CACNA1B: variants seen among roughly 807,000 people sequenced by gnomAD.
CACNA1B encodes calcium voltage-gated channel subunit alpha1 B, also known as voltage-dependent N-type calcium channel subunit alpha-1B.
Under a neutral mutation model 247.2 loss-of-function variants are expected in CACNA1B, and 70 were observed. That is an observed-to-expected ratio of 0.28 (90% CI 0.23 to 0.35). The LOEUF (loss-of-function observed/expected upper bound fraction) is 0.35, where lower values mean the gene tolerates loss of function less well. Ranked by LOEUF, CACNA1B falls within the 10% of genes least tolerant of loss-of-function variation. CACNA1B has a pLI of 1.00. For synonymous variants in CACNA1B, 1,231 were observed against 1,294.4 expected, an observed-to-expected ratio of 0.95 and a Z score of 1.05; for missense variants, 2,367 against 3,197.4, an observed-to-expected ratio of 0.74 and a Z score of 6.26.
rs1205597741 is a variant in CACNA1B at position 138,007,124 on chromosome 9, G to A, written c.2092+240G>A. Among the ~76,000 whole-genome samples the A allele has an allele frequency of 6.6e-6, 1 of 152,168 alleles. No homozygotes were observed. The highest frequency in any genetic ancestry group is 2.4e-5 in the African/African-American group (1 of 41,446). On this transcript the variant is annotated intron_variant, in intron 16 of 46. Coordinates refer to ENST00000371372, the MANE Select transcript of CACNA1B (RefSeq NM_000718.4). This position sits in a 1 kb window ranked among gnomAD's most constrained non-coding sequence, Gnocchi z 4.1. ...TGTGGGGGTATCCAGAGGTGGGGGT[G>A]GGTGCGGCCAGCAGCAGGCCCAGGA...
chr9:137,940,212 G>A (rs1208480414), intron 6 of CACNA1B, among the ~76,000 whole-genome samples: 1 of 152,126 alleles, frequency 6.6e-6, no homozygotes, highest in Non-Finnish European at 1.5e-5. Context: ...ATCCAAAGAA[G>A]CTCAATTAGA....
chr9:137,909,773 A>G (rs1396855735), intron 3 of CACNA1B, among the ~76,000 whole-genome samples: 1 of 149,322 alleles, frequency 6.7e-6, no homozygotes, highest in Non-Finnish European at 1.5e-5. Context: ...TTTTTTTTTC[A>G]TTTTTAGTTT....
At position 137,986,642 on chromosome 9, in the gene CACNA1B, C is replaced by A; in HGVS notation, c.1901+98C>A. ...GCCCAGGCTGCCTCCACCCACCTTC[C>A]CACCAGGAAGGTCCTCAGAGGGGCC... On this transcript the variant is annotated intron_variant, in intron 14 of 46. Transcript: ENST00000371372. This position sits in a 1 kb window ranked among gnomAD's most constrained non-coding sequence, Gnocchi z 6.0. 1 of 1,512,662 alleles carries A rather than the reference C, an allele frequency of 6.6e-7. No homozygotes were observed. The highest frequency in any genetic ancestry group is 9.2e-7 in the Non-Finnish European group (1 of 1,092,212). The allele number at this position is 1,512,662 out of a possible 1,614,324, so 93.7% of individuals were successfully genotyped here. A position where few individuals can be genotyped will look rare whatever the true frequency, so the allele number is the denominator to read the frequency against.
chr9:138,082,940 C>G, intron 36 of CACNA1B, among the ~76,000 whole-genome samples: 1 of 151,088 alleles, frequency 6.6e-6, no homozygotes, highest in East Asian at 2.0e-4. Flanking sequence ...ACCACCCCAT[C>G]CCACAACTAG....
Position 138,121,124 on chromosome 9 carries a change from A to G in CACNA1B, c.6489+243A>G, listed in dbSNP as rs1272679790. Among the ~76,000 whole-genome samples, 1 of 151,830 alleles carries G rather than the reference A, an allele frequency of 6.6e-6. No individual in the cohort carries two copies. The highest frequency in any genetic ancestry group is 1.5e-5 in the Non-Finnish European group (1 of 67,934). On this transcript the variant is annotated intron_variant, in intron 46 of 46. Coordinates refer to ENST00000371372, the MANE Select transcript of CACNA1B (RefSeq NM_000718.4). This position sits in a 1 kb window ranked among gnomAD's most constrained non-coding sequence, Gnocchi z 6.8. Reference sequence around the variant, plus strand: ...GGGACAGTGGTTCTGCGTCCTATCCACTTTCGGACCTGGGCCCCCAAATAC... The same window carrying G: ...GGGACAGTGGTTCTGCGTCCTATCCGCTTTCGGACCTGGGCCCCCAAATAC...
intron 37 of CACNA1B, among the ~76,000 whole-genome samples, chr9:138,097,846 G>A (rs1399698361): frequency 6.6e-6 from 1 of 152,196 alleles, no homozygotes; most frequent in Non-Finnish European, 1.5e-5. Flanking sequence ...CTCAGCAGAG[G>A]GAGCCCTCCA....
intron 15 of CACNA1B, among the ~76,000 whole-genome samples, chr9:137,991,052 A>G (rs1411311826): frequency 2.0e-5 from 3 of 152,250 alleles, no homozygotes; most frequent in African/African-American, 7.2e-5. Context: ...CCAGAAGATC[A>G]CATCAGCTTA....
intron 10 of CACNA1B, among the ~76,000 whole-genome samples, chr9:137,959,760 C>T (rs191844791): frequency 1.4e-4 from 22 of 152,278 alleles, no homozygotes; most frequent in African/African-American, 4.3e-4. Flanking sequence ...ATCCAGTGCC[C>T]GCCACGTGCC....
chr9:137,971,482 T>C lies in CACNA1B; in HGVS notation c.1433T>C (p.Met478Thr). ...ATGTTCCGGTTTTTTATCCGGCGCA[T>C]GGTGAAGGCTCAGAGCTTCTACTGG... is the stretch of plus-strand genomic sequence containing the variant. ...EKMFRFFIRR[M>T]VKAQSFYWVV... Residue 478 changes from methionine (M) to threonine (T), a missense_variant, in exon 11 of 47, where the codon ATG (methionine) becomes ACG (threonine). Physicochemically the swap from Met to Thr is moderately conservative, Grantham distance 81. Around this residue, in one of 12 missense-constraint regions of CACNA1B, gnomAD observed 219 missense variants for 297.6 expected, o/e 0.74. Coordinates refer to ENST00000371372, the MANE Select transcript of CACNA1B (RefSeq NM_000718.4). The surrounding 1 kb of genome is among the most constrained non-coding windows in gnomAD (Gnocchi z 4.4). 6.2e-7 allele frequency: 1 copy of C among 1,613,682 alleles called. No homozygotes were observed. The highest frequency in any genetic ancestry group is 1.1e-5 in the South Asian group (1 of 91,000).
chr9:138,108,773 C>T (rs113086586), intron 39 of CACNA1B, among the ~76,000 whole-genome samples: 9 of 152,204 alleles, frequency 5.9e-5, no homozygotes, highest in Non-Finnish European at 8.8e-5. Flanking sequence ...CTCAGCCTCC[C>T]GAGTAGCTGG....
In CACNA1B at chr9:138,124,250, G is replaced by C. The variant is rs1163048018; in HGVS notation, c.*2251G>C. ...TGGAACCAGTCAAGCAGTGGCTGTA[G>C]TTTGAACAAGTTATGTGTGCATGTA... On this transcript the variant is annotated 3_prime_UTR_variant, in exon 47 of 47. Coordinates refer to ENST00000371372, the MANE Select transcript of CACNA1B (RefSeq NM_000718.4). 6.6e-6 allele frequency: 1 copy of C among 152,228 alleles called. No individual in the cohort carries two copies. The highest frequency in any genetic ancestry group is 1.9e-4 in the East Asian group (1 of 5,188). The allele number at this position is 152,228 out of a possible 1,614,324, so 9.4% of individuals were successfully genotyped here.
At chr9:138,055,985 C>T (rs142423526) in intron 26 of CACNA1B, among the ~76,000 whole-genome samples, 2 of 151,894 alleles carry the variant, frequency 1.3e-5, no homozygotes, top group East Asian at 3.9e-4. Flanking sequence ...AAGATTGTGC[C>T]ACTGCACTCC....
intron 15 of CACNA1B, among the ~76,000 whole-genome samples, chr9:138,004,028 CG>C (rs1037710255): frequency 2.5e-4 from 38 of 151,884 alleles, no homozygotes; most frequent in Non-Finnish European, 5.1e-4. Context: ...CTGCTGCTGG[CG>C]GGAATATGAT....
In CACNA1B at chr9:138,122,301, T is replaced by G; in HGVS notation, c.*302T>G. Reference sequence around the variant, plus strand: ...GAAGGACCCAGGAGTCCAAATCCCGTGTCCTGGGACTCAGCATCCAGCATG... The same window carrying G: ...GAAGGACCCAGGAGTCCAAATCCCGGGTCCTGGGACTCAGCATCCAGCATG... On this transcript the variant is annotated 3_prime_UTR_variant, in exon 47 of 47. Coordinates refer to ENST00000371372, the MANE Select transcript of CACNA1B (RefSeq NM_000718.4). 1.9e-5 allele frequency: 8 copies of G among 427,522 alleles called. No homozygotes were observed. The highest frequency in any genetic ancestry group is 4.0e-5 in the East Asian group (1 of 24,926). 26.5% of individuals were successfully genotyped at this position (427,522 alleles called of 1,614,324 possible).
Position 137,892,028 on chromosome 9 carries a change from G to A in CACNA1B, c.530+9145G>A, listed in dbSNP as rs531245337. ...CCTTGGTCCTCCTCACTCAGTGTGCGGCCTCTGTGTCTTCTCCACTCCCAC... is the reference window on the plus strand; with the variant it reads ...CCTTGGTCCTCCTCACTCAGTGTGCAGCCTCTGTGTCTTCTCCACTCCCAC... On this transcript the variant is annotated intron_variant, in intron 3 of 46. Transcript: ENST00000371372. The A allele has an allele frequency of 4.1e-4, 186 of 457,204 alleles. 2 individuals carry two copies. The highest frequency in any genetic ancestry group is 2.5e-3 in the South Asian group (163 of 64,562). The allele number at this position is 457,204 out of a possible 1,614,324, so 28.3% of individuals were successfully genotyped here.
At chr9:138,039,959 G>A (rs1959096775) in intron 20 of CACNA1B, among the ~76,000 whole-genome samples, 1 of 152,142 alleles carries the variant, frequency 6.6e-6, no homozygotes, top group Non-Finnish European at 1.5e-5. Context: ...AGTTAGTGGG[G>A]ACAAATGCAG....
At position 138,119,154 on chromosome 9, in the gene CACNA1B, G is replaced by A. The variant is rs570138384; in HGVS notation, c.6030+386G>A. Among the ~76,000 whole-genome samples, 11 of 152,088 alleles carry A rather than the reference G, an allele frequency of 7.2e-5. No individual in the cohort carries two copies. In the East Asian group the frequency reaches 2.1e-3, roughly 29 times the overall value. On this transcript the variant is annotated intron_variant, in intron 44 of 46. Transcript: ENST00000371372. ...CCACTCTCATCCAGAAAATTTCACC[G>A]ACACCTCAGTCCCCTCTCCCGCCCG...
intron 36 of CACNA1B, among the ~76,000 whole-genome samples, chr9:138,091,378 G>C (rs1192990064): frequency 6.6e-6 from 1 of 152,196 alleles, no homozygotes. Context: ...GGTTACTAGA[G>C]GCAGGGAAGG....
intron 18 of CACNA1B, 25 bp downstream of exon 18, chr9:138,013,260 G>A (rs202065487): frequency 6.5e-7 from 1 of 1,529,878 alleles, no homozygotes; most frequent in South Asian, 1.3e-5. Flanking sequence ...AGTGGATTGT[G>A]GGGTGGCAGT....
Sources: gnomAD v4.1 joint callset for allele counts (sites outside exome capture counted in the v4.1 genomes callset) on GRCh38, gnomAD v4.1.1 for gene constraint, gnomAD v4.1.1 regional missense constraint, Gnocchi (gnomAD v3.1) non-coding constraint, MANE v1.5 for transcripts, NCBI Gene and HGNC (gene_info 2026-07-23, HGNC 2026-07-21) for gene names.